NELL1: variants seen among roughly 807,000 people sequenced by gnomAD.
NELL1 encodes protein kinase C-binding protein NELL1.
Under a neutral mutation model 107.4 loss-of-function variants are expected in NELL1, and 76 were observed. The observed-to-expected ratio is 0.71, with a 90% CI of 0.59 to 0.86. NELL1 has a LOEUF of 0.86. Ranked by LOEUF, NELL1 falls within the 40% of genes least tolerant of loss-of-function variation. The pLI is 0.00. For missense variants in NELL1, 1,024 were observed against 1,005.5 expected (o/e 1.02, Z -0.25); for synonymous variants, 353 against 341.2 (o/e 1.03, Z -0.38).
intron 4 of NELL1, among the ~76,000 whole-genome samples, chr11:20,864,071 T>G (rs1849048123): frequency 6.6e-6 from 1 of 151,568 alleles, no homozygotes; most frequent in Non-Finnish European, 1.5e-5. Context: ...CAGCCCAGCC[T>G]CGGCTGGGCA....
intron 5 of NELL1, among the ~76,000 whole-genome samples, chr11:20,897,653 T>G (rs1002760250): frequency 8.6e-5 from 13 of 152,028 alleles, no homozygotes; most frequent in African/African-American, 2.4e-4. Flanking sequence ...GGAGAAAATT[T>G]TTGCAATCTA....
chr11:21,411,026 T>C (rs1852364583), intron 15 of NELL1, among the ~76,000 whole-genome samples: 1 of 152,050 alleles, frequency 6.6e-6, no homozygotes, highest in Non-Finnish European at 1.5e-5. Context: ...GTAGCACCAA[T>C]TTGGGAGTCA....
At chr11:21,370,668 A>G (rs187155405) in intron 14 of NELL1, among the ~76,000 whole-genome samples, 185 bp from the exon 15 acceptor site, 40 of 152,252 alleles carry the variant, frequency 2.6e-4, no homozygotes, top group Admixed American at 1.1e-3. Flanking sequence ...AGTTGATTTC[A>G]TATAAACCAG....
rs68140364 is a variant in NELL1 at position 20,981,956 on chromosome 11, T to TTCTCTCTC, written c.1300+21414_1300+21421dup. ...ACAATGTCACCAGGGCTCTCTCTCT[T>TTCTCTCTC]TCTCTCTCTCTCTCTCTCTCTCTCT... On this transcript the variant is annotated intron_variant, in intron 12 of 19. Coordinates refer to ENST00000357134, the MANE Select transcript of NELL1 (RefSeq NM_006157.5). Among the ~76,000 whole-genome samples, 1,242 of 148,644 alleles carry TTCTCTCTC rather than the reference T, an allele frequency of 8.4e-3. 12 individuals are homozygous for TTCTCTCTC. The highest frequency in any genetic ancestry group is 0.026 in the African/African-American group (1,069 of 40,610).
At chr11:21,541,128 T>C (rs1410391413) in intron 16 of NELL1, among the ~76,000 whole-genome samples, 1 of 152,254 alleles carries the variant, frequency 6.6e-6, no homozygotes, top group African/African-American at 2.4e-5. Context: ...GGTTGTGTTA[T>C]TTTTACCTAT....
chr11:20,805,415 G>A (rs1474871316), intron 3 of NELL1, among the ~76,000 whole-genome samples: 1 of 151,026 alleles, frequency 6.6e-6, no homozygotes, highest in African/African-American at 2.4e-5. Context: ...TAGTGAAGGT[G>A]GTTTTCTCTG....
intron 16 of NELL1, among the ~76,000 whole-genome samples, chr11:21,534,740 G>A (rs1287313819): frequency 6.6e-6 from 1 of 151,988 alleles, no homozygotes; most frequent in African/African-American, 2.4e-5. Flanking sequence ...ACAAAACCTG[G>A]GTCTATATGT....
In NELL1 at chr11:21,370,910, T is replaced by A. The variant is rs1851345615; in HGVS notation, c.1607T>A (p.Val536Asp). Residue 536 changes from valine to aspartate, a missense_variant, in exon 15 of 20, where the codon GTC becomes GAC. Coordinates refer to ENST00000357134, the MANE Select transcript of NELL1 (RefSeq NM_006157.5). ...ACGTGTGTGGCTCCCAACAAATGTG[T>A]CTGTCCATCTGGATTCACAGGAAGC... ...GGTCVAPNKC[V>D]CPSGFTGSHC... 1.9e-6 allele frequency: 3 copies of A among 1,611,564 alleles called. No individual in the cohort carries two copies. Among genetic ancestry groups the A allele is most frequent in the Non-Finnish European group, 2.5e-6 (3 of 1,178,796 alleles).
At chr11:21,053,765 C>T (rs1242928529) in intron 12 of NELL1, among the ~76,000 whole-genome samples, 1 of 152,148 alleles carries the variant, frequency 6.6e-6, no homozygotes, top group African/African-American at 2.4e-5. Flanking sequence ...TTCCCTAAAA[C>T]ATAATTGTTT....
At chr11:21,504,525 A>G (rs1855232980) in intron 15 of NELL1, among the ~76,000 whole-genome samples, 1 of 152,158 alleles carries the variant, frequency 6.6e-6, no homozygotes, top group Admixed American at 6.5e-5. Context: ...GAATAAATTC[A>G]CAGGGTGCCT....
At chr11:21,384,490 A>C (rs1945445) in intron 15 of NELL1, among the ~76,000 whole-genome samples, 23,178 of 151,480 alleles carry the variant, frequency 0.15, 1,921 homozygotes, top group South Asian at 0.22. Flanking sequence ...TACATGTGCA[A>C]AATGTGCAGG....
intron 2 of NELL1, among the ~76,000 whole-genome samples, chr11:20,687,299 G>T (rs59430841): frequency 6.6e-6 from 1 of 152,048 alleles, no homozygotes; most frequent in East Asian, 1.9e-4. Context: ...TATTAATGTA[G>T]ATGAGTGTGA....
chr11:21,090,507 G>A lies in NELL1; in HGVS notation c.1301-23082G>A, dbSNP rs917689597. 1.2e-4 allele frequency among the ~76,000 whole-genome samples: 19 copies of A among 152,276 alleles called. 1 individual carries two copies. The highest frequency in any genetic ancestry group is 7.4e-5 in the Non-Finnish European group (5 of 68,020). ...ACAAGCAGCAGTGAACTTGGGGTCAGGGGTTTGAGATTTGGGCTCGGCTCT... is the reference window on the plus strand; with the variant it reads ...ACAAGCAGCAGTGAACTTGGGGTCAAGGGTTTGAGATTTGGGCTCGGCTCT... On this transcript the variant is annotated intron_variant, in intron 12 of 19. Coordinates refer to ENST00000357134, the MANE Select transcript of NELL1 (RefSeq NM_006157.5).
Position 21,091,920 on chromosome 11 carries a change from G to C in NELL1, c.1301-21669G>C, listed in dbSNP as rs116656865. On this transcript the variant is annotated intron_variant, in intron 12 of 19. Transcript: ENST00000357134. ...AGGACGTGTACAAGGTACCATAGGG[G>C]GCCTAGTGTAAGGATGGAGGATGGG... 7.3e-3 allele frequency among the ~76,000 whole-genome samples: 1,107 copies of C among 152,274 alleles called. 18 individuals are homozygous for C. The highest frequency in any genetic ancestry group is 0.024 in the African/African-American group (1,010 of 41,562).
At chr11:20,783,211 T>C (rs1015999806) in intron 2 of NELL1, among the ~76,000 whole-genome samples, 2 of 152,282 alleles carry the variant, frequency 1.3e-5, no homozygotes, top group Middle Eastern at 3.4e-3. Flanking sequence ...AAAAGTGAAA[T>C]TGGAGGATGC....
chr11:21,555,977 G>T (rs1856694410), intron 16 of NELL1, among the ~76,000 whole-genome samples: 1 of 151,852 alleles, frequency 6.6e-6, no homozygotes, highest in Non-Finnish European at 1.5e-5. Context: ...TTATTGTGCA[G>T]GTTAAAATTT....
intron 15 of NELL1, among the ~76,000 whole-genome samples, chr11:21,377,524 T>C (rs984993717): frequency 6.6e-6 from 1 of 152,092 alleles, no homozygotes; most frequent in Non-Finnish European, 1.5e-5. Context: ...ATTGTACCTT[T>C]GTCAGGTTTT....
intron 4 of NELL1, among the ~76,000 whole-genome samples, chr11:20,878,599 A>G (rs1426139145): frequency 1.3e-5 from 2 of 152,138 alleles, no homozygotes; most frequent in Admixed American, 6.6e-5. Context: ...GTGGAGGAGA[A>G]CACTTGAAAA....
chr11:21,447,161 C>G (rs1287931689), intron 15 of NELL1, among the ~76,000 whole-genome samples: 1 of 152,138 alleles, frequency 6.6e-6, no homozygotes, highest in African/African-American at 2.4e-5. Context: ...GGGATTCACC[C>G]TTCAGAGCAG....
Sources: allele counts gnomAD v4.1 joint callset (sites outside exome capture counted in the v4.1 genomes callset), GRCh38; gene constraint gnomAD v4.1.1; transcripts MANE v1.5; gene names NCBI Gene and HGNC (gene_info 2026-07-23, HGNC 2026-07-21).